Variants in SESN3 observed in about 807,000 individuals in gnomAD.
SESN3 encodes sestrin-3.
In SESN3, 21 loss-of-function variants were observed where a neutral mutation model predicts 55.3. The ratio of observed to expected loss-of-function variants is 0.38; its 90% confidence interval spans 0.27 to 0.55. The LOEUF is 0.55. SESN3 is among the 20% of genes least tolerant of loss of function. The probability of loss-of-function intolerance (pLI) is 0.76; values close to 1 mark genes in which losing one functional copy is unlikely to be tolerated. For missense variants in SESN3, 408 were observed against 604.3 expected (o/e 0.68, Z 3.41); for synonymous variants, 181 against 203.1 (o/e 0.89, Z 0.93).
intron 6 of SESN3, among the ~76,000 whole-genome samples, chr11:95,183,074 AT>A (rs1201632369): frequency 6.6e-6 from 1 of 152,040 alleles, no homozygotes; most frequent in African/African-American, 2.4e-5. Flanking sequence ...AGTTACAATT[AT>A]TTTTTTGCTA....
Position 95,175,418 on chromosome 11 carries a change from T to C in SESN3, c.1392+80A>G, listed in dbSNP as rs1269173753. The C allele has an allele frequency of 4.2e-6, 5 of 1,203,500 alleles. No individual in the cohort carries two copies. In the South Asian group the frequency reaches 6.4e-5, roughly 15 times the overall value. 74.6% of individuals were successfully genotyped at this position (1,203,500 alleles called of 1,614,324 possible). On this transcript the variant is annotated intron_variant, in intron 9 of 9. Transcript: ENST00000536441. ...CAATGGCTATAATTTATTAATACTT[T>C]CATGTGTCATTTTTCATAACTATTA...
chr11:95,206,989 C>G (rs554964376), intron 1 of SESN3, among the ~76,000 whole-genome samples: 1 of 151,970 alleles, frequency 6.6e-6, no homozygotes, highest in Non-Finnish European at 1.5e-5. Flanking sequence ...CCATCTTGGC[C>G]AGGCTAGTCT....
chr11:95,227,125 T>C (rs972166994), intron 1 of SESN3, among the ~76,000 whole-genome samples: 6 of 152,170 alleles, frequency 3.9e-5, no homozygotes, highest in Admixed American at 2.0e-4. Flanking sequence ...AAAGTTGCTA[T>C]TACTTAACAA....
intron 1 of SESN3, among the ~76,000 whole-genome samples, chr11:95,213,604 AC>A (rs1860699275): frequency 6.6e-6 from 1 of 152,082 alleles, no homozygotes; most frequent in African/African-American, 2.4e-5. Context: ...TGATCTGTAG[AC>A]CCCAAATCGT....
At chr11:95,178,627 T>G in intron 7 of SESN3, 83 bp downstream of exon 7, 1 of 835,318 alleles carries the variant, frequency 1.2e-6, no homozygotes, top group Non-Finnish European at 2.0e-6. Context: ...AAAAATTGTT[T>G]AGTGCCAATT....
At position 95,165,803 on chromosome 11, in the gene SESN3, GAA is replaced by G. The variant is rs200957211; in HGVS notation, c.*7450_*7451del. On this transcript the variant is annotated 3_prime_UTR_variant, in exon 10 of 10. Transcript: ENST00000536441. Reference sequence around the variant, plus strand: ...CAAATAATGTTACCCTCCCTCCAAAGAAAAAAAGAGTCATTAAAGCACTAGAA... The same window carrying G: ...CAAATAATGTTACCCTCCCTCCAAAGAAAAAGAGTCATTAAAGCACTAGAA... 12 of 151,846 alleles carry G rather than the reference GAA, an allele frequency of 7.9e-5. No individual in the cohort carries two copies. The East Asian group carries it at 1.9e-3, about 24-fold the overall frequency. 9.4% of individuals were successfully genotyped at this position (151,846 alleles called of 1,614,324 possible).
chr11:95,184,368 C>T (rs982143070), intron 6 of SESN3, 52 bp downstream of exon 6: 1 of 1,488,898 alleles, frequency 6.7e-7, no homozygotes, highest in Non-Finnish European at 9.3e-7. Flanking sequence ...ACTGAAGTTG[C>T]CCTGTCAGGG....
intron 1 of SESN3, among the ~76,000 whole-genome samples, chr11:95,215,828 G>T (rs1478520751): frequency 6.6e-6 from 1 of 152,162 alleles, no homozygotes; most frequent in Non-Finnish European, 1.5e-5. Flanking sequence ...GCCGGGCGCG[G>T]TGGCTCACGC....
intron 1 of SESN3, among the ~76,000 whole-genome samples, chr11:95,194,646 C>T (rs1860328164): frequency 2.0e-5 from 3 of 151,962 alleles, no homozygotes; most frequent in African/African-American, 7.3e-5. Context: ...TGACAAAGGC[C>T]TCAATCTCCT....
chr11:95,183,681 CAAAAAA>C (rs34308912), intron 6 of SESN3, among the ~76,000 whole-genome samples: 3 of 93,244 alleles, frequency 3.2e-5, no homozygotes, highest in South Asian at 3.4e-4. Flanking sequence ...GACTCTGTCT[CAAAAAA>C]AAAAAAAAAA....
At chr11:95,209,902 A>T (rs1860619666) in intron 1 of SESN3, among the ~76,000 whole-genome samples, 1 of 150,318 alleles carries the variant, frequency 6.7e-6, no homozygotes, top group Non-Finnish European at 1.5e-5. Context: ...CTGTAGTCCC[A>T]GCTACTCTGG....
intron 1 of SESN3, among the ~76,000 whole-genome samples, chr11:95,224,078 A>C (rs1860907288): frequency 6.6e-6 from 1 of 152,212 alleles, no homozygotes; most frequent in Non-Finnish European, 1.5e-5. Flanking sequence ...TATTTAATAC[A>C]AGACAGCTGA....
chr11:95,218,499 C>T (rs1011870452), intron 1 of SESN3, among the ~76,000 whole-genome samples: 2 of 152,166 alleles, frequency 1.3e-5, no homozygotes, highest in African/African-American at 2.4e-5. Context: ...TGTTTATAGC[C>T]TTAACATTTC....
At chr11:95,183,067 T>TA (rs1003425448) in intron 6 of SESN3, among the ~76,000 whole-genome samples, 37 of 152,272 alleles carry the variant, frequency 2.4e-4, no homozygotes, top group African/African-American at 8.2e-4. Context: ...TGCTATGAGT[T>TA]ACAATTATTT....
chr11:95,179,311 T>A (rs1860018525), intron 6 of SESN3, among the ~76,000 whole-genome samples: 1 of 152,076 alleles, frequency 6.6e-6, no homozygotes, highest in South Asian at 2.1e-4. Context: ...TGTGCCACCA[T>A]GCTCAGCTAA....
chr11:95,198,923 ATG>A (rs1440571418), intron 1 of SESN3, among the ~76,000 whole-genome samples: 14 of 81,218 alleles, frequency 1.7e-4, no homozygotes, highest in Admixed American at 1.6e-3. Flanking sequence ...CATAATAAAC[ATG>A]TACTAAAGTA....
intron 6 of SESN3, among the ~76,000 whole-genome samples, chr11:95,182,834 C>T (rs939871340): frequency 4.6e-5 from 7 of 152,154 alleles, no homozygotes; most frequent in African/African-American, 1.7e-4. Context: ...ACCCAGCATC[C>T]TGTTTCCTTA....
chr11:95,219,662 T>A (rs191005839), intron 1 of SESN3, among the ~76,000 whole-genome samples: 80 of 152,308 alleles, frequency 5.3e-4, no homozygotes, highest in African/African-American at 1.9e-3. Flanking sequence ...ATTCAACTCC[T>A]ACCTAAATAT....
intron 6 of SESN3, among the ~76,000 whole-genome samples, chr11:95,179,462 G>T (rs1215373314): frequency 1.3e-5 from 2 of 152,272 alleles, no homozygotes; most frequent in East Asian, 3.9e-4. Context: ...CTCTCCAGGG[G>T]ATGAAGTGGG....
Sources: gnomAD v4.1 joint callset for allele counts (sites outside exome capture counted in the v4.1 genomes callset) on GRCh38, gnomAD v4.1.1 for gene constraint, MANE v1.5 for transcripts, NCBI Gene and HGNC (gene_info 2026-07-23, HGNC 2026-07-21) for gene names.